ARID2: variants seen among roughly 807,000 people sequenced by gnomAD.
ARID2 encodes the protein AT-rich interactive domain-containing protein 2.
A neutral mutation model predicts 184.6 loss-of-function variants in ARID2; 32 were observed. That is an observed-to-expected ratio of 0.17 (90% CI 0.13 to 0.23). ARID2 has a LOEUF of 0.23. Ranked by LOEUF, ARID2 falls within the 10% of genes least tolerant of loss-of-function variation. ARID2 has a pLI of 1.00. For missense variants in ARID2, 1,696 were observed against 2,197.6 expected (o/e 0.77, Z 4.56); for synonymous variants, 836 against 772.6 (o/e 1.08, Z -1.36).
chr12:45,845,522 T>TGCA (rs1943425507), intron 11 of ARID2, among the ~76,000 whole-genome samples: 1 of 152,168 alleles, frequency 6.6e-6, no homozygotes, highest in South Asian at 2.1e-4. Flanking sequence ...ACTTAATCTC[T>TGCA]GAGCTTTAGT....
At chr12:45,900,455 AT>A (rs1297692696) in intron 20 of ARID2, among the ~76,000 whole-genome samples, 2 of 152,112 alleles carry the variant, frequency 1.3e-5, no homozygotes, top group Non-Finnish European at 2.9e-5. Context: ...ATATATTTTA[AT>A]CAGTATCTTT....
chr12:45,798,208 GTT>G (rs148631760), intron 3 of ARID2, among the ~76,000 whole-genome samples: 1 of 149,072 alleles, frequency 6.7e-6, no homozygotes, highest in African/African-American at 2.5e-5. Context: ...GTTTGAACGT[GTT>G]TTTTTTTTCC....
intron 3 of ARID2, among the ~76,000 whole-genome samples, chr12:45,735,487 T>C (rs912937568): frequency 1.4e-5 from 2 of 147,974 alleles, no homozygotes; most frequent in East Asian, 4.2e-4. Context: ...TTGTTGCCCA[T>C]GCTTGTCTTG....
In ARID2 at chr12:45,797,142, A is replaced by G. The variant is rs1279501271; in HGVS notation, c.285-14276A>G. Among the ~76,000 whole-genome samples, 8 of 152,210 alleles carry G rather than the reference A, an allele frequency of 5.3e-5. No individual in the cohort carries two copies. In the East Asian group the frequency reaches 1.5e-3, roughly 29 times the overall value. ...ATTTAAAGTAATTTAATATACATACATACACACACAAACACATAGTTTTCT... is the reference window on the plus strand; with the variant it reads ...ATTTAAAGTAATTTAATATACATACGTACACACACAAACACATAGTTTTCT... On this transcript the variant is annotated intron_variant, in intron 3 of 20. Coordinates refer to ENST00000334344, the MANE Select transcript of ARID2 (RefSeq NM_152641.4).
At position 45,803,962 on chromosome 12, in the gene ARID2, A is replaced by G. The variant is rs1942553777; in HGVS notation, c.285-7456A>G. ...TGACGGTTCCTCTCTTATGCATTCC[A>G]CTTTGTCTGAAGTAGGATGAGTAAC... On this transcript the variant is annotated intron_variant, in intron 3 of 20. Coordinates refer to ENST00000334344, the MANE Select transcript of ARID2 (RefSeq NM_152641.4). Among the ~76,000 whole-genome samples, 6 of 152,182 alleles carry G rather than the reference A, an allele frequency of 3.9e-5. No homozygotes were observed. The South Asian group carries it at 1.2e-3, about 32-fold the overall frequency.
At chr12:45,880,251 G>T (rs1944077470) in intron 16 of ARID2, among the ~76,000 whole-genome samples, 1 of 152,104 alleles carries the variant, frequency 6.6e-6, no homozygotes, top group Non-Finnish European at 1.5e-5. Context: ...ATTTAGAATT[G>T]CATTATTGAA....
At chr12:45,732,372 C>CT (rs1312371699) in intron 3 of ARID2, among the ~76,000 whole-genome samples, 8 of 152,090 alleles carry the variant, frequency 5.3e-5, no homozygotes, top group Non-Finnish European at 4.4e-5. Context: ...CACAGGTGTA[C>CT]TTTCTATTGG....
intron 16 of ARID2, among the ~76,000 whole-genome samples, chr12:45,873,817 C>T (rs1389913935): frequency 6.6e-6 from 1 of 152,162 alleles, no homozygotes; most frequent in African/African-American, 2.4e-5. Context: ...AGCAAGTCAT[C>T]ATCTTTTTGC....
intron 3 of ARID2, among the ~76,000 whole-genome samples, chr12:45,736,899 TAGTGTTTCACC>T (rs1290589300): frequency 3.9e-5 from 6 of 152,204 alleles, no homozygotes; most frequent in African/African-American, 1.4e-4. Flanking sequence ...CCATAGTAAA[TAGTGTTTCACC>T]AGTGTTTCAC....
At chr12:45,902,551 A>G (rs951714687) in intron 20 of ARID2, among the ~76,000 whole-genome samples, 4 of 145,902 alleles carry the variant, frequency 2.7e-5, no homozygotes, top group Non-Finnish European at 6.0e-5. Context: ...TTTTTTTTTG[A>G]GATGGAGTCT....
At chr12:45,904,861 C>T (rs1944503371) in intron 20 of ARID2, 73 bp from the exon 21 acceptor site, 1 of 1,536,414 alleles carries the variant, frequency 6.5e-7, no homozygotes. Context: ...AGTTTTTAAA[C>T]TTGCAAAATT....
At chr12:45,758,173 G>A (rs1288583094) in intron 3 of ARID2, among the ~76,000 whole-genome samples, 1 of 151,974 alleles carries the variant, frequency 6.6e-6, no homozygotes, top group East Asian at 1.9e-4. Flanking sequence ...TAAATAGGTG[G>A]GCATTTTTTA....
chr12:45,885,524 GA>G (rs1258811031), intron 16 of ARID2, among the ~76,000 whole-genome samples: 1 of 152,016 alleles, frequency 6.6e-6, no homozygotes, highest in Non-Finnish European at 1.5e-5. Flanking sequence ...GGCCACCAAA[GA>G]AAAATAGCCT....
Position 45,748,844 on chromosome 12 carries a change from T to C in ARID2, c.284+17530T>C, listed in dbSNP as rs143392162. Among the ~76,000 whole-genome samples the C allele has an allele frequency of 5.4e-3, 829 of 152,190 alleles. 7 individuals carry two copies. The highest frequency in any genetic ancestry group is 0.019 in the African/African-American group (791 of 41,532). ...AGAAGGAACTCCTCATTAATTCAGG[T>C]TTTATCATGAGATTGCAGCAGTTCA... On this transcript the variant is annotated intron_variant, in intron 3 of 20. Coordinates refer to ENST00000334344, the MANE Select transcript of ARID2 (RefSeq NM_152641.4).
chr12:45,792,634 A>C (rs1215264691), intron 3 of ARID2, among the ~76,000 whole-genome samples: 1 of 152,168 alleles, frequency 6.6e-6, no homozygotes, highest in Non-Finnish European at 1.5e-5. Context: ...AAATTAAACT[A>C]TGACAATTAT....
At position 45,784,540 on chromosome 12, in the gene ARID2, T is replaced by A. The variant is rs574777608; in HGVS notation, c.285-26878T>A. On this transcript the variant is annotated intron_variant, in intron 3 of 20. Coordinates refer to ENST00000334344, the MANE Select transcript of ARID2 (RefSeq NM_152641.4). ...AAAAAATACAAAAATTAGCTGGGTATGGTCCCAGCTACTTTCAGGGGGCTG... is the reference window on the plus strand; with the variant it reads ...AAAAAATACAAAAATTAGCTGGGTAAGGTCCCAGCTACTTTCAGGGGGCTG... 4.6e-5 allele frequency among the ~76,000 whole-genome samples: 7 copies of A among 152,276 alleles called. No homozygotes were observed. In the South Asian group the frequency reaches 1.5e-3, roughly 32 times the overall value.
rs1385237047 is a variant in ARID2 at position 45,878,232 on chromosome 12, GTCTGTGTTTCCTGGA to G, written c.4923-13541_4923-13527del. On this transcript the variant is annotated intron_variant, in intron 16 of 20. Transcript: ENST00000334344. Reference sequence around the variant, plus strand: ...TTTAATATTTATCTTGTTTAGTGTTGTCTGTGTTTCCTGGATCTGTGATTTCTTGTGTGACATTAG... The same window carrying G: ...TTTAATATTTATCTTGTTTAGTGTTGTCTGTGATTTCTTGTGTGACATTAG... Among the ~76,000 whole-genome samples the G allele has an allele frequency of 3.3e-5, 5 of 152,146 alleles. No homozygotes were observed. In the East Asian group the frequency reaches 7.7e-4, roughly 23 times the overall value.
At chr12:45,751,735 C>T (rs1941468629) in intron 3 of ARID2, among the ~76,000 whole-genome samples, 2 of 152,192 alleles carry the variant, frequency 1.3e-5, no homozygotes, top group African/African-American at 4.8e-5. Flanking sequence ...CAAACCTGTA[C>T]AGCATGCTAC....
At chr12:45,904,397 A>G (rs199778697) in intron 20 of ARID2, 3 of 714,480 alleles carry the variant, frequency 4.2e-6, no homozygotes, top group Non-Finnish European at 7.8e-6. Flanking sequence ...ATATTTAGAA[A>G]GGTACTATGG....
Sources: gnomAD v4.1 joint callset for allele counts (sites outside exome capture counted in the v4.1 genomes callset) on GRCh38, gnomAD v4.1.1 for gene constraint, MANE v1.5 for transcripts, NCBI Gene and HGNC (gene_info 2026-07-23, HGNC 2026-07-21) for gene names.